SAMD12: variants seen among roughly 807,000 people sequenced by gnomAD.
The protein encoded by SAMD12 is sterile alpha motif domain containing 12, also known as sterile alpha motif domain-containing protein 12.
A neutral mutation model predicts 15.0 loss-of-function variants in SAMD12; 9 were observed. The observed-to-expected ratio is 0.60, with a 90% CI of 0.36 to 1.05. The LOEUF (loss-of-function observed/expected upper bound fraction) is 1.05. Among genes scored for constraint, SAMD12 ranks in the 50% least tolerant of loss-of-function variants. The probability of loss-of-function intolerance (pLI) is 0.01; values close to 1 mark genes in which losing one functional copy is unlikely to be tolerated. For missense variants in SAMD12, 230 were observed against 234.2 expected (o/e 0.98, Z 0.12); for synonymous variants, 86 against 90.1 (o/e 0.96, Z 0.25).
Position 118,425,185 on chromosome 8 carries a change from G to A in SAMD12, c.322+14647C>T, listed in dbSNP as rs557547082. 7.2e-5 allele frequency among the ~76,000 whole-genome samples: 11 copies of A among 152,206 alleles called. No homozygotes were observed. In the East Asian group the frequency reaches 9.7e-4, roughly 13 times the overall value. Reference sequence around the variant, plus strand: ...AATTTCCTGACCTTGTGATCTGCCCGCCTTGGCCTCCCAAAGTGCTGGGAT... The same window carrying A: ...AATTTCCTGACCTTGTGATCTGCCCACCTTGGCCTCCCAAAGTGCTGGGAT... On this transcript the variant is annotated intron_variant, in intron 3 of 3. Transcript: ENST00000314727.
chr8:118,369,676 T>G (rs757123034), intron 4 of SAMD12, among the ~76,000 whole-genome samples: 2 of 151,882 alleles, frequency 1.3e-5, no homozygotes, highest in Non-Finnish European at 2.9e-5. Context: ...GATCACGCCA[T>G]TATACTCCCG....
chr8:118,311,429 T>C (rs1815626913), intron 4 of SAMD12, among the ~76,000 whole-genome samples: 1 of 152,178 alleles, frequency 6.6e-6, no homozygotes, highest in Non-Finnish European at 1.5e-5. Context: ...CAGAGTTGAG[T>C]CATGGCAACA....
intron 4 of SAMD12, among the ~76,000 whole-genome samples, chr8:118,250,416 T>C (rs185039968): frequency 1.1e-3 from 166 of 152,122 alleles, no homozygotes; most frequent in African/African-American, 3.8e-3. Flanking sequence ...GACACTCAAA[T>C]AGAACCAATC....
exon 5 of SAMD12, chr8:118,192,010 TC>T (rs1819419090): frequency 6.6e-6 from 1 of 151,254 alleles, no homozygotes. Context: ...CAAGGCTAAC[TC>T]CTCTGAGAAG....
intron 4 of SAMD12, among the ~76,000 whole-genome samples, chr8:118,262,608 A>G (rs1813105480): frequency 6.6e-6 from 1 of 152,156 alleles, no homozygotes; most frequent in African/African-American, 2.4e-5. Flanking sequence ...CACAGACAAC[A>G]TGGAAAAGAA....
At chr8:118,441,530 C>G (rs1328183235) in intron 2 of SAMD12, among the ~76,000 whole-genome samples, 1 of 151,866 alleles carries the variant, frequency 6.6e-6, no homozygotes, top group African/African-American at 2.4e-5. Flanking sequence ...CAATGCTGAT[C>G]ACTTTTTATT....
intron 4 of SAMD12, among the ~76,000 whole-genome samples, chr8:118,371,206 G>C (rs1052233456): frequency 6.6e-6 from 1 of 152,152 alleles, no homozygotes; most frequent in Non-Finnish European, 1.5e-5. Flanking sequence ...ATGCTGAAGA[G>C]TTTGACTTTT....
At chr8:118,155,593 GT>G in the SAMD12 span, among the ~76,000 whole-genome samples, 1 of 152,306 alleles carries the variant, frequency 6.6e-6, no homozygotes, top group South Asian at 2.1e-4. Context: ...GGAAATTGAT[GT>G]GCTCCAAGGA....
At position 118,420,551 on chromosome 8, in the gene SAMD12, A is replaced by G. The variant is rs566669588; in HGVS notation, c.322+19281T>C. ...TATTTTATTTTTTAGTGGAAGAGAG[A>G]GAACTATGCCACCCCTTTAAGGTAT... On this transcript the variant is annotated intron_variant, in intron 3 of 3. Coordinates refer to ENST00000314727, the MANE Select transcript of SAMD12 (RefSeq NM_207506.3). Among the ~76,000 whole-genome samples, 5 of 152,346 alleles carry G rather than the reference A, an allele frequency of 3.3e-5. No individual in the cohort carries two copies. The East Asian group carries it at 9.6e-4, about 29-fold the overall frequency.
At chr8:118,295,220 C>T (rs1563741122) in intron 4 of SAMD12, among the ~76,000 whole-genome samples, 2 of 152,070 alleles carry the variant, frequency 1.3e-5, no homozygotes, top group Non-Finnish European at 2.9e-5. Context: ...TAAATTATTG[C>T]TTTGTTGTTT....
chr8:118,154,672 C>G, the SAMD12 span, among the ~76,000 whole-genome samples: 2 of 152,122 alleles, frequency 1.3e-5, no homozygotes, highest in East Asian at 3.9e-4. Context: ...CACCAAGAAT[C>G]TATATAGCCG....
intron 4 of SAMD12, among the ~76,000 whole-genome samples, chr8:118,281,800 A>G (rs1470049886): frequency 1.3e-5 from 2 of 152,138 alleles, no homozygotes; most frequent in African/African-American, 4.8e-5. Flanking sequence ...CCCTTCTCCA[A>G]TTTCTAAACT....
At chr8:118,548,917 C>A (rs1413240895) in intron 2 of SAMD12, among the ~76,000 whole-genome samples, 4 of 152,202 alleles carry the variant, frequency 2.6e-5, no homozygotes, top group Non-Finnish European at 2.9e-5. Context: ...ACGGAGTCTC[C>A]CTGATTGCTA....
chr8:118,377,361 G>A (rs561219892), downstream of SAMD12, among the ~76,000 whole-genome samples: 2 of 152,254 alleles, frequency 1.3e-5, no homozygotes, highest in African/African-American at 4.8e-5. Context: ...TTGCGCCACT[G>A]CACTCCAGCT....
At chr8:118,172,469 G>T in the SAMD12 span, among the ~76,000 whole-genome samples, 1 of 152,186 alleles carries the variant, frequency 6.6e-6, no homozygotes, top group African/African-American at 2.4e-5. Flanking sequence ...GTCAAAGTCT[G>T]CATGCCTGTT....
At chr8:118,372,422 A>AT (rs148584581) in intron 4 of SAMD12, among the ~76,000 whole-genome samples, 34,503 of 138,722 alleles carry the variant, frequency 0.25, 4,417 homozygotes, top group African/African-American at 0.31. Context: ...AAGATGCAGT[A>AT]TTTTTTTTTT....
intron 1 of SAMD12, among the ~76,000 whole-genome samples, chr8:118,615,257 G>A (rs917743239): frequency 4.6e-5 from 7 of 152,062 alleles, no homozygotes; most frequent in East Asian, 3.9e-4. Context: ...TACCCCTTTC[G>A]TTAGGCTATC....
At chr8:118,526,330 G>T (rs1167232019) in intron 2 of SAMD12, among the ~76,000 whole-genome samples, 1 of 152,026 alleles carries the variant, frequency 6.6e-6, no homozygotes, top group East Asian at 1.9e-4. Context: ...ATATTAAGAG[G>T]TCTCTAAAGA....
chr8:118,279,622 A>G (rs1027010104), intron 4 of SAMD12, among the ~76,000 whole-genome samples: 1 of 152,248 alleles, frequency 6.6e-6, no homozygotes, highest in Non-Finnish European at 1.5e-5. Context: ...TGTCACATAC[A>G]GAACTGAAAT....
Sources: gnomAD v4.1 joint callset for allele counts (sites outside exome capture counted in the v4.1 genomes callset) on GRCh38, gnomAD v4.1.1 for gene constraint, MANE v1.5 for transcripts, NCBI Gene and HGNC (gene_info 2026-07-23, HGNC 2026-07-21) for gene names.